The following GANC variants were observed in gnomAD, a reference collection of about 807,000 sequenced individuals.
GANC encodes neutral alpha-glucosidase C.
A neutral mutation model predicts 124.2 loss-of-function variants in GANC; 117 were observed. That is an observed-to-expected ratio of 0.94 (90% CI 0.81 to 1.10). The LOEUF is 1.10. Ranked by LOEUF, GANC falls within the 50% of genes least tolerant of loss-of-function variation. GANC has a pLI of 0.00. For synonymous variants in GANC, 377 were observed against 376.8 expected (o/e 1.00, Z -0.01); for missense variants, 1,140 against 1,095.0 (o/e 1.04, Z -0.58).
intron 9 of GANC, 49 bp from the exon 10 acceptor site, chr15:42,310,644 T>C: frequency 6.3e-7 from 1 of 1,587,670 alleles, no homozygotes; most frequent in Non-Finnish European, 8.6e-7. Context: ...GGCTGGATGT[T>C]GCAGGTTAGA....
intron 14 of GANC, 60 bp from the exon 15 acceptor site, chr15:42,330,516 T>C (rs2052233841): frequency 1.7e-6 from 2 of 1,175,038 alleles, no homozygotes; most frequent in Admixed American, 1.8e-5. Flanking sequence ...AGATAGCTTA[T>C]TGGGGATGTC....
At chr15:42,312,962 A>C (rs918167197) in intron 10 of GANC, among the ~76,000 whole-genome samples, 117 of 150,368 alleles carry the variant, frequency 7.8e-4, no homozygotes, top group Admixed American at 3.0e-3. Flanking sequence ...AAAAAAGAAC[A>C]TGCTACTGGA....
Position 42,349,406 on chromosome 15 carries a change from T to C in GANC, c.2442T>C (p.Tyr814=). 1 of 1,612,562 alleles carries C rather than the reference T, an allele frequency of 6.2e-7. No individual in the cohort carries two copies. The highest frequency in any genetic ancestry group is 1.7e-4 in the Middle Eastern group (1 of 6,056). The change falls in exon 22 of 24, where the codon TAT becomes TAC. Residue 814 remains tyrosine, a synonymous_variant. Transcript: ENST00000318010. ...AGGGTTCTTCAGTGGGTGAGTTATA[T>C]CTTGATGATGGCCATTCATTCCAAT... ...STKGSSVGEL[Y]LDDGHSFQYL... is the part of the protein sequence containing the mutation.
chr15:42,341,161 G>A (rs1412302454), intron 18 of GANC, among the ~76,000 whole-genome samples: 1 of 149,118 alleles, frequency 6.7e-6, no homozygotes, highest in African/African-American at 2.5e-5. Flanking sequence ...CTAATTCCAA[G>A]AAAGACAAAA....
In GANC at chr15:42,306,684, C is replaced by G. The variant is rs1311091500; in HGVS notation, c.625+72C>G. On this transcript the variant is annotated intron_variant, in intron 7 of 23. Transcript: ENST00000318010. ...GTCTACATAATTCTATCAAAAAGCC[C>G]CTTGATCTCTGGCACCTAAAACAGG... The G allele has an allele frequency of 1.7e-5, 18 of 1,057,968 alleles. 1 individual carries two copies. Among genetic ancestry groups the G allele is most frequent in the Middle Eastern group, 2.8e-4 (1 of 3,584 alleles). The allele number at this position is 1,057,968 out of a possible 1,614,324, so 65.5% of individuals were successfully genotyped here.
chr15:42,348,427 C>T (rs945728396), intron 21 of GANC, among the ~76,000 whole-genome samples: 13 of 152,170 alleles, frequency 8.5e-5, no homozygotes, highest in African/African-American at 3.1e-4. Flanking sequence ...CAGAAATGTT[C>T]CTCTTGGGCA....
At chr15:42,295,856 G>A (rs558410504) in intron 5 of GANC, among the ~76,000 whole-genome samples, 6 of 151,982 alleles carry the variant, frequency 3.9e-5, no homozygotes, top group South Asian at 2.1e-4. Context: ...AGATTGTTAC[G>A]TTGAGCTGGG....
Position 42,329,415 on chromosome 15 carries a change from A to G in GANC, c.1610A>G (p.His537Arg), listed in dbSNP as rs758338256. ...KNAIHHGNWE[H>R]RELHNIYGFY... Reference sequence around the variant, plus strand: ...GCCATTCATCATGGCAATTGGGAGCACAGAGAGCTCCACAACATCTACGGT... The same window carrying G: ...GCCATTCATCATGGCAATTGGGAGCGCAGAGAGCTCCACAACATCTACGGT... The change falls in exon 14 of 24, where the codon CAC becomes CGC. Residue 537 changes from histidine (H) to arginine (R), a missense_variant. By Grantham distance (29) the His-to-Arg change is conservative. Coordinates refer to ENST00000318010, the MANE Select transcript of GANC (RefSeq NM_198141.3). The G allele has an allele frequency of 1.2e-6, 2 of 1,613,672 alleles. No homozygotes were observed. Among genetic ancestry groups the G allele is most frequent in the Non-Finnish European group, 1.7e-6 (2 of 1,179,828 alleles).
At chr15:42,346,531 G>C (rs1273128856) in intron 20 of GANC, among the ~76,000 whole-genome samples, 3 of 152,090 alleles carry the variant, frequency 2.0e-5, no homozygotes, top group Non-Finnish European at 4.4e-5. Flanking sequence ...TATCAAAGCT[G>C]TAAAATGTGA....
At chr15:42,275,139 C>T (rs1444326110) in intron 1 of GANC, among the ~76,000 whole-genome samples, 4 of 152,064 alleles carry the variant, frequency 2.6e-5, no homozygotes, top group Admixed American at 6.5e-5. Flanking sequence ...TTTGGGAGGC[C>T]TATAGGTGGG....
chr15:42,279,855 A>G (rs1409486072), intron 3 of GANC, among the ~76,000 whole-genome samples: 2 of 152,316 alleles, frequency 1.3e-5, no homozygotes, highest in East Asian at 3.9e-4. Context: ...TGTGACTACT[A>G]TAGTTCCTGC....
At chr15:42,317,395 G>A (rs1260615340) in intron 10 of GANC, among the ~76,000 whole-genome samples, 2 of 152,152 alleles carry the variant, frequency 1.3e-5, no homozygotes, top group Non-Finnish European at 1.5e-5. Context: ...GGGGCTGAGA[G>A]GTGTGAGTGT....
At chr15:42,323,783 G>A (rs561122006) in intron 11 of GANC, among the ~76,000 whole-genome samples, 2 of 152,156 alleles carry the variant, frequency 1.3e-5, no homozygotes, top group South Asian at 2.1e-4. Flanking sequence ...GGTTACAGGC[G>A]TGAGCCATCA....
Position 42,341,663 on chromosome 15 carries a change from A to C in GANC, c.2152+909A>C, listed in dbSNP as rs556260877. Among the ~76,000 whole-genome samples the C allele has an allele frequency of 5.9e-5, 9 of 152,074 alleles. No individual in the cohort carries two copies. The East Asian group carries it at 9.7e-4, about 16-fold the overall frequency. Reference sequence around the variant, plus strand: ...ACTGCAACCTCTGCCTCCGGGGCTCAAGCAATCCTCCCACCTCAGCCTCTC... The same window carrying C: ...ACTGCAACCTCTGCCTCCGGGGCTCCAGCAATCCTCCCACCTCAGCCTCTC... On this transcript the variant is annotated intron_variant, in intron 18 of 23. Transcript: ENST00000318010.
chr15:42,297,053 G>A (rs1014345061), intron 5 of GANC, among the ~76,000 whole-genome samples: 1 of 151,878 alleles, frequency 6.6e-6, no homozygotes, highest in African/African-American at 2.4e-5. Flanking sequence ...TACAACTATG[G>A]GTGGAAGAAT....
intron 4 of GANC, among the ~76,000 whole-genome samples, chr15:42,290,822 A>T (rs1483554569): frequency 1.3e-5 from 2 of 151,886 alleles, no homozygotes; most frequent in Non-Finnish European, 2.9e-5. Context: ...AAAATAAACA[A>T]TTTTTTTTAA....
At chr15:42,281,053 G>C in intron 3 of GANC, 1 of 702,520 alleles carries the variant, frequency 1.4e-6, no homozygotes, top group Non-Finnish European at 2.6e-6. Context: ...GATAAACAAG[G>C]ACAAATTACC....
chr15:42,278,673 C>A, intron 3 of GANC, 83 bp downstream of exon 3: 1 of 967,596 alleles, frequency 1.0e-6, no homozygotes, highest in Non-Finnish European at 1.6e-6. Context: ...GCTATGTATG[C>A]TTCAAAAATA....
intron 19 of GANC, among the ~76,000 whole-genome samples, chr15:42,344,113 C>T (rs1009962503): frequency 3.9e-5 from 6 of 152,224 alleles, no homozygotes; most frequent in African/African-American, 1.4e-4. Flanking sequence ...CCGTGCTCTC[C>T]CTCAACATAG....
Sources: allele counts gnomAD v4.1 joint callset (sites outside exome capture counted in the v4.1 genomes callset), GRCh38; gene constraint gnomAD v4.1.1; transcripts MANE v1.5; gene names NCBI Gene and HGNC (gene_info 2026-07-23, HGNC 2026-07-21).